GLI3: variants seen among roughly 807,000 people sequenced by gnomAD.
The protein encoded by GLI3 is GLI family zinc finger 3, also known as transcription activator GLI3.
Under a neutral mutation model 100.8 loss-of-function variants are expected in GLI3, and 20 were observed. The observed-to-expected ratio is 0.20, with a 90% CI of 0.14 to 0.29. The LOEUF (loss-of-function observed/expected upper bound fraction) is 0.29. Ranked by LOEUF, GLI3 falls within the 10% of genes least tolerant of loss-of-function variation. GLI3 has a pLI of 1.00. For missense variants in GLI3, 2,040 were observed against 2,128.5 expected (o/e 0.96, Z 0.82); for synonymous variants, 938 against 860.5 (o/e 1.09, Z -1.58).
At chr7:42,104,448 A>C (rs1479361959) in intron 3 of GLI3, among the ~76,000 whole-genome samples, 1 of 152,188 alleles carries the variant, frequency 6.6e-6, no homozygotes, top group African/African-American at 2.4e-5. Flanking sequence ...TAATCTTTGA[A>C]TCCCATAAAC....
Position 41,978,759 on chromosome 7 carries a change from G to T in GLI3, c.1498-11C>A. The T allele has an allele frequency of 1.2e-6, 2 of 1,612,508 alleles. No individual in the cohort carries two copies. The highest frequency in any genetic ancestry group is 1.7e-6 in the Non-Finnish European group (2 of 1,178,682). On this transcript the variant is annotated splice_polypyrimidine_tract_variant and intron_variant, in intron 10 of 14. Transcript: ENST00000395925. ...GTCGTTATTTATATGCTGGGGTTTGGAAAAAGAGAGAGAAATCAAATGGAA... is the reference window on the plus strand; with the variant it reads ...GTCGTTATTTATATGCTGGGGTTTGTAAAAAGAGAGAGAAATCAAATGGAA...
intron 1 of GLI3, among the ~76,000 whole-genome samples, chr7:42,248,701 CAT>C (rs1413423085): frequency 2.0e-5 from 3 of 152,114 alleles, no homozygotes; most frequent in African/African-American, 4.8e-5. Context: ...CATGTGACCA[CAT>C]GTTAATATTT....
chr7:42,024,104 T>C lies in GLI3; in HGVS notation c.1357-496A>G, dbSNP rs867500567. ...AATGGTTTACTAGTACTTCTAATGC[T>C]GTTTTCGCTGCTGTTGGAGACTGTG... On this transcript the variant is annotated intron_variant, in intron 9 of 14. Coordinates refer to ENST00000395925, the MANE Select transcript of GLI3 (RefSeq NM_000168.6). Among the ~76,000 whole-genome samples, 7 of 152,350 alleles carry C rather than the reference T, an allele frequency of 4.6e-5. No individual in the cohort carries two copies. In the South Asian group the frequency reaches 1.5e-3, roughly 32 times the overall value.
At chr7:42,069,181 G>A (rs938584296) in intron 4 of GLI3, among the ~76,000 whole-genome samples, 3 of 152,222 alleles carry the variant, frequency 2.0e-5, no homozygotes, top group African/African-American at 7.2e-5. Flanking sequence ...AAGAAGCTGG[G>A]GCTCAGACTC....
chr7:42,220,156 C>T (rs1481567845), intron 2 of GLI3, among the ~76,000 whole-genome samples: 2 of 152,142 alleles, frequency 1.3e-5, no homozygotes, highest in African/African-American at 4.8e-5. Flanking sequence ...CTGGCCGAAA[C>T]TGAACTCATT....
At chr7:42,061,880 A>G (rs981195567) in intron 4 of GLI3, among the ~76,000 whole-genome samples, 1 of 152,174 alleles carries the variant, frequency 6.6e-6, no homozygotes, top group Admixed American at 6.5e-5. Flanking sequence ...GCCTTCGGGA[A>G]CTTTGCTCAA....
At chr7:42,025,461 G>A in intron 8 of GLI3, 84 bp from the exon 9 acceptor site, 3 of 957,014 alleles carry the variant, frequency 3.1e-6, no homozygotes, top group South Asian at 2.6e-5. Flanking sequence ...TGCCAACTCG[G>A]GACAAGCGGT....
chr7:42,207,383 CT>C (rs1167904602), intron 2 of GLI3, among the ~76,000 whole-genome samples: 1 of 152,162 alleles, frequency 6.6e-6, no homozygotes, highest in Non-Finnish European at 1.5e-5. Flanking sequence ...ACTTTTTAAT[CT>C]GTGTATTGTA....
intron 3 of GLI3, among the ~76,000 whole-genome samples, chr7:42,085,984 A>C (rs17640723): frequency 1.3e-5 from 2 of 152,106 alleles, no homozygotes; most frequent in Non-Finnish European, 1.5e-5. Context: ...AAAACCAGGC[A>C]AGAAGCTCTG....
At chr7:42,007,385 T>C (rs1384006148) in intron 10 of GLI3, among the ~76,000 whole-genome samples, 2 of 152,162 alleles carry the variant, frequency 1.3e-5, no homozygotes, top group Admixed American at 6.6e-5. Flanking sequence ...TGCTAAGGAC[T>C]GCAGTTTAAA....
At chr7:42,175,677 G>C (rs1787466106) in intron 2 of GLI3, among the ~76,000 whole-genome samples, 1 of 142,996 alleles carries the variant, frequency 7.0e-6, no homozygotes, top group South Asian at 2.4e-4. Context: ...CTGAAAGTGA[G>C]TTTTAAACAA....
At chr7:42,151,034 G>A (rs772196210) in intron 2 of GLI3, among the ~76,000 whole-genome samples, 2 of 152,132 alleles carry the variant, frequency 1.3e-5, no homozygotes, top group Non-Finnish European at 2.9e-5. Context: ...TAACCGAAGT[G>A]CACATTTTTA....
At chr7:42,174,294 A>C (rs965273159) in intron 2 of GLI3, among the ~76,000 whole-genome samples, 1 of 152,156 alleles carries the variant, frequency 6.6e-6, no homozygotes, top group Non-Finnish European at 1.5e-5. Flanking sequence ...CACAAAATAA[A>C]TATTTCTTTT....
chr7:42,109,262 C>T (rs561629612), intron 3 of GLI3, among the ~76,000 whole-genome samples: 1 of 152,282 alleles, frequency 6.6e-6, no homozygotes, highest in South Asian at 2.1e-4. Flanking sequence ...AACAAATCTG[C>T]GGTTCATCAC....
In GLI3 at chr7:42,076,850, A is replaced by G. The variant is rs1444932549; in HGVS notation, c.375T>C (p.Pro125=). The change falls in exon 4 of 15, where the codon CCT becomes CCC. Residue 125 remains proline, a synonymous_variant. Transcript: ENST00000395925. Reference sequence around the variant, plus strand: ...GAGGATGGAAGGCAGGGAAAAGATGAGGAGGGTCTGAAAAGAAGAGAGAGC... The same window carrying G: ...GAGGATGGAAGGCAGGGAAAAGATGGGGAGGGTCTGAAAAGAAGAGAGAGC... The part of the protein sequence containing the change: ...NGYMEPHYHP[P]HLFPAFHPPV... The G allele has an allele frequency of 6.2e-7, 1 of 1,605,782 alleles. No homozygotes were observed. The highest frequency in any genetic ancestry group is 8.5e-7 in the Non-Finnish European group (1 of 1,172,416).
At chr7:42,210,385 C>T (rs1446330280) in intron 2 of GLI3, among the ~76,000 whole-genome samples, 1 of 117,510 alleles carries the variant, frequency 8.5e-6, no homozygotes, top group African/African-American at 3.3e-5. Flanking sequence ...GTTATGCTGG[C>T]GTTTACCTGT....
At position 42,223,209 on chromosome 7, in the gene GLI3, T is replaced by A. The variant is rs1395531508; in HGVS notation, c.45A>T (p.Lys15Asn). 1.2e-6 allele frequency: 2 copies of A among 1,613,870 alleles called. No individual in the cohort carries two copies. Among genetic ancestry groups the A allele is most frequent in the Non-Finnish European group, 1.7e-6 (2 of 1,179,834 alleles). ...SHSSTTTEKK[K>N]VENSIVKCST... The stretch of plus-strand genomic sequence containing the variant: ...AGCACTTCACTATGGAATTCTCAAC[T>A]TTTTTCTTTTCAGTGGTCGTGGAGC... Residue 15 changes from lysine to asparagine, a missense_variant, in exon 2 of 15, where the codon AAA becomes AAT. Lys to Asn is a moderately conservative substitution (Grantham distance 94). Around this residue, in one of 5 missense-constraint regions of GLI3, gnomAD observed 603 missense variants for 690.9 expected, o/e 0.87. Transcript: ENST00000395925.
chr7:42,185,907 T>C (rs930613529), intron 2 of GLI3, among the ~76,000 whole-genome samples: 1 of 152,234 alleles, frequency 6.6e-6, no homozygotes, highest in Non-Finnish European at 1.5e-5. Flanking sequence ...AGGCTCCCTC[T>C]TTGGGCCAGG....
chr7:42,215,157 G>A (rs1269701233), intron 2 of GLI3, among the ~76,000 whole-genome samples: 1 of 152,066 alleles, frequency 6.6e-6, no homozygotes, highest in Admixed American at 6.5e-5. Context: ...TAAAGCACAA[G>A]TGGTGGTCAA....
Sources: gnomAD v4.1 joint callset for allele counts (sites outside exome capture counted in the v4.1 genomes callset) on GRCh38, gnomAD v4.1.1 for gene constraint, gnomAD v4.1.1 regional missense constraint, MANE v1.5 for transcripts, NCBI Gene and HGNC (gene_info 2026-07-23, HGNC 2026-07-21) for gene names.